TMC2: variants seen among roughly 807,000 people sequenced by gnomAD.
TMC2 encodes the protein transmembrane channel like 2.
TMC2 carries 102 observed loss-of-function variants against 105.9 expected under a neutral mutation model. The observed-to-expected ratio is 0.96, with a 90% CI of 0.82 to 1.14. TMC2 has a LOEUF of 1.14. TMC2 is among the 50% of genes most tolerant of loss of function. The pLI, the probability that TMC2 is intolerant of heterozygous loss-of-function variation, is 0.00. For missense variants in TMC2, 1,093 were observed against 1,134.3 expected, an observed-to-expected ratio of 0.96 and a Z score of 0.52; for synonymous variants, 402 against 422.8, an observed-to-expected ratio of 0.95 and a Z score of 0.60.
chr20:2,579,033 T>C (rs773850156), intron 5 of TMC2, 113 bp from the exon 6 acceptor site: 1 of 672,352 alleles, frequency 1.5e-6, no homozygotes, highest in Non-Finnish European at 2.7e-6. Flanking sequence ...GACAGCAGCT[T>C]CACCCATGCT....
intron 2 of TMC2, among the ~76,000 whole-genome samples, chr20:2,556,908 A>G (rs2085988826): frequency 6.8e-6 from 1 of 146,392 alleles, no homozygotes; most frequent in African/African-American, 2.5e-5. Context: ...ATATCACTCT[A>G]CTCTCTTAAC....
chr20:2,572,172 TAAG>T lies in TMC2; in HGVS notation c.555-6_555-4del, dbSNP rs1460509409. The T allele has an allele frequency of 1.2e-6, 2 of 1,602,466 alleles. No homozygotes were observed. The highest frequency in any genetic ancestry group is 1.7e-5 in the Admixed American group (1 of 59,514). ...GAAATCCTGCTTTTTTTTTTTTTTC[TAAG>T]CAGGGAGGCCCAGGAATTTGTGGAG... On this transcript the variant is annotated splice_polypyrimidine_tract_variant and splice_region_variant and intron_variant, in intron 4 of 19. Transcript: ENST00000358864.
chr20:2,581,591 C>T (rs1200392324), intron 7 of TMC2, among the ~76,000 whole-genome samples: 1 of 152,180 alleles, frequency 6.6e-6, no homozygotes, highest in Non-Finnish European at 1.5e-5. Flanking sequence ...ATGTTTTCCT[C>T]GGTAGTCAAT....
In TMC2 at chr20:2,592,486, T is replaced by A; in HGVS notation, c.933+78T>A. 1.0e-6 allele frequency: 1 copy of A among 998,826 alleles called. No homozygotes were observed. Among genetic ancestry groups the A allele is most frequent in the Non-Finnish European group, 1.6e-6 (1 of 625,360 alleles). The allele number at this position is 998,826 out of a possible 1,614,324, so 61.9% of individuals were successfully genotyped here. ...GATTGCATGGATAAGTATGAAATAG[T>A]GCGTTTAATTATTGAAAAACCATTG... On this transcript the variant is annotated intron_variant, in intron 8 of 19. Coordinates refer to ENST00000358864, the MANE Select transcript of TMC2 (RefSeq NM_080751.3). This position sits in a 1 kb window ranked among gnomAD's most constrained non-coding sequence, Gnocchi z 4.9.
intron 3 of TMC2, among the ~76,000 whole-genome samples, chr20:2,560,705 C>T (rs535324662): frequency 5.7e-4 from 86 of 152,152 alleles, no homozygotes; most frequent in Admixed American, 1.0e-3. Context: ...GGCGTGGTGG[C>T]GGGTGCCTGT....
chr20:2,542,234 T>C (rs929263819), intron 2 of TMC2, among the ~76,000 whole-genome samples: 5 of 152,232 alleles, frequency 3.3e-5, no homozygotes, highest in African/African-American at 1.2e-4. Context: ...TTGGGGCTTA[T>C]ATACTATCTT....
intron 5 of TMC2, among the ~76,000 whole-genome samples, chr20:2,575,177 T>C (rs1472453813): frequency 6.6e-6 from 1 of 151,984 alleles, no homozygotes; most frequent in Non-Finnish European, 1.5e-5. Context: ...ATGAAGAATG[T>C]GCTGTTCAAG....
intron 4 of TMC2, among the ~76,000 whole-genome samples, chr20:2,567,764 GA>G: frequency 6.6e-6 from 1 of 151,812 alleles, no homozygotes. Context: ...AAACAAATGA[GA>G]AAAACAGTCT....
intron 2 of TMC2, among the ~76,000 whole-genome samples, chr20:2,543,341 C>T (rs2085903734): frequency 2.6e-5 from 4 of 152,194 alleles, no homozygotes; most frequent in Admixed American, 2.6e-4. Flanking sequence ...CGATCTATTG[C>T]TTATAGCAGG....
chr20:2,625,049 GCC>G (rs2146258582), intron 17 of TMC2, among the ~76,000 whole-genome samples: 1 of 152,302 alleles, frequency 6.6e-6, no homozygotes, highest in Non-Finnish European at 1.5e-5. Flanking sequence ...CCCGGTGCCA[GCC>G]TAATGCCTAG....
rs371101230 is a variant in TMC2 at position 2,637,471 on chromosome 20, C to G, written c.2386-3C>G. The G allele has an allele frequency of 1.3e-6, 2 of 1,598,248 alleles. No homozygotes were observed. Among genetic ancestry groups the G allele is most frequent in the East Asian group, 4.5e-5 (2 of 44,770 alleles). On this transcript the variant is annotated splice_region_variant and splice_polypyrimidine_tract_variant and intron_variant, in intron 18 of 19. Transcript: ENST00000358864. ...AGGACCAACAGTTCATTATTTCCTG[C>G]AGCTCCGTGAAGTTGAGAAGAGTCA...
At chr20:2,579,056 C>A (rs2086167879) in intron 5 of TMC2, 90 bp from the exon 6 acceptor site, 4 of 723,348 alleles carry the variant, frequency 5.5e-6, no homozygotes, top group Non-Finnish European at 1.0e-5. Flanking sequence ...CTCATGCTGA[C>A]CTGTCGGCCT....
intron 14 of TMC2, chr20:2,613,977 C>T (rs150191332): frequency 2.2e-3 from 332 of 153,546 alleles, no homozygotes; most frequent in Non-Finnish European, 3.7e-3. Flanking sequence ...TGAAAGGCTC[C>T]GTAGGATGTT....
At chr20:2,625,653 A>G (rs1327344963) in intron 17 of TMC2, among the ~76,000 whole-genome samples, 3 of 152,250 alleles carry the variant, frequency 2.0e-5, no homozygotes, top group Non-Finnish European at 2.9e-5. Context: ...GCATAGGGAT[A>G]GTTAGGCTGT....
intron 5 of TMC2, among the ~76,000 whole-genome samples, chr20:2,572,930 T>C (rs2086113868): frequency 6.6e-6 from 1 of 151,898 alleles, no homozygotes; most frequent in African/African-American, 2.4e-5. Flanking sequence ...TTTTGTTTGT[T>C]TGTTTTTAGA....
chr20:2,630,966 T>C (rs987012050), intron 17 of TMC2, among the ~76,000 whole-genome samples: 1 of 152,246 alleles, frequency 6.6e-6, no homozygotes, highest in African/African-American at 2.4e-5. Context: ...AGTTAACATT[T>C]ATGTCTGCTG....
rs775491862 is a variant in TMC2 at position 2,641,218 on chromosome 20, C to T, written c.2588C>T (p.Thr863Ile). The change falls in exon 20 of 20, where the codon ACC becomes ATC. Residue 863 changes from threonine (T) to isoleucine (I), a missense_variant. Thr to Ile is a moderately conservative substitution (Grantham distance 89). Transcript: ENST00000358864. ...GGGACCTCCAATTCTGCCAGCAGGA[C>T]CACACTGCCTGCCTCTGGACACCTT... ...GPGTSNSASRTTLPASGHLPI... is the reference protein window; with the variant it reads ...GPGTSNSASRITLPASGHLPI... 1.2e-6 allele frequency: 2 copies of T among 1,614,190 alleles called. No individual in the cohort carries two copies. The highest frequency in any genetic ancestry group is 2.2e-5 in the South Asian group (2 of 91,086).
chr20:2,564,554 C>A (rs1409232061), intron 4 of TMC2, among the ~76,000 whole-genome samples: 1 of 152,202 alleles, frequency 6.6e-6, no homozygotes, highest in East Asian at 1.9e-4. Context: ...TAGAACCTCA[C>A]TCCCACTCAG....
intron 19 of TMC2, among the ~76,000 whole-genome samples, chr20:2,639,430 T>C (rs2086672689): frequency 1.3e-5 from 2 of 152,250 alleles, no homozygotes; most frequent in South Asian, 4.1e-4. Context: ...ATATTTACCA[T>C]TATGTTCCAA....
Sources: allele counts gnomAD v4.1 joint callset (sites outside exome capture counted in the v4.1 genomes callset), GRCh38; gene constraint gnomAD v4.1.1; non-coding constraint Gnocchi (gnomAD v3.1); transcripts MANE v1.5; gene names NCBI Gene and HGNC (gene_info 2026-07-23, HGNC 2026-07-21).